The following QSOX1 variants were observed in gnomAD, a reference collection of about 807,000 sequenced individuals.
The protein encoded by QSOX1 is quiescin sulfhydryl oxidase 1, also known as sulfhydryl oxidase 1.
QSOX1 carries 40 observed loss-of-function variants against 76.1 expected under a neutral mutation model. The ratio of observed to expected loss-of-function variants is 0.53; its 90% CI spans 0.41 to 0.68. The LOEUF (loss-of-function observed/expected upper bound fraction) is 0.68. QSOX1 is among the 30% of genes least tolerant of loss of function. The pLI is 0.00. For missense variants in QSOX1, 931 were observed against 974.3 expected (o/e 0.96, Z 0.59); for synonymous variants, 392 against 413.1 (o/e 0.95, Z 0.62).
Position 180,198,208 on chromosome 1 carries a change from A to G in QSOX1, c.*1171A>G, listed in dbSNP as rs1472163540. 2 of 456,558 alleles carry G rather than the reference A, an allele frequency of 4.4e-6. No homozygotes were observed. Among genetic ancestry groups the G allele is most frequent in the Non-Finnish European group, 4.4e-6 (1 of 226,922 alleles). The allele number at this position is 456,558 out of a possible 1,614,324, so 28.3% of individuals were successfully genotyped here. A position where few individuals can be genotyped will look rare whatever the true frequency, so the allele number is the denominator to read the frequency against. ...TGCACCCAAACCCCATGGCCTTTTC[A>G]TGCACGGAGACAGGCCTCTGGATGT... On this transcript the variant is annotated 3_prime_UTR_variant, in exon 12 of 12. Coordinates refer to ENST00000367602, the MANE Select transcript of QSOX1 (RefSeq NM_002826.5).
At chr1:180,189,419 T>C (rs556021369) in intron 8 of QSOX1, 133 bp from the exon 9 acceptor site, 3 of 874,412 alleles carry the variant, frequency 3.4e-6, no homozygotes, top group Non-Finnish European at 5.1e-6. Flanking sequence ...TTTGGAACTT[T>C]GCACAACCTC....
intron 2 of QSOX1, among the ~76,000 whole-genome samples, chr1:180,170,205 G>T (rs1358857646): frequency 6.6e-6 from 1 of 152,190 alleles, no homozygotes; most frequent in Admixed American, 6.5e-5. Flanking sequence ...TGTGGCTTTT[G>T]CTAGAAGGTG....
intron 4 of QSOX1, among the ~76,000 whole-genome samples, chr1:180,178,464 G>T (rs961237974): frequency 2.0e-5 from 3 of 152,198 alleles, no homozygotes; most frequent in Admixed American, 1.3e-4. Flanking sequence ...CAGACCTCAG[G>T]TGATCCACCC....
intron 2 of QSOX1, among the ~76,000 whole-genome samples, chr1:180,170,403 A>G (rs187804286): frequency 5.5e-4 from 83 of 152,278 alleles, no homozygotes; most frequent in African/African-American, 1.9e-3. Context: ...AGGCTGGACC[A>G]TTTTCCTTAA....
rs981366686 is a variant in QSOX1 at position 180,186,158 on chromosome 1, A to T, written c.993A>T (p.Lys331Asn). 6.2e-7 allele frequency: 1 copy of T among 1,613,706 alleles called. No individual in the cohort carries two copies. Among genetic ancestry groups the T allele is most frequent in the Non-Finnish European group, 8.5e-7 (1 of 1,179,910 alleles). Reference sequence around the variant, plus strand: ...AAGGGCAGCGCCTGGTGGCCCTGAAAAAGTTTGTGGCAGTGCTGGCCAAGG... The same window carrying T: ...AAGGGCAGCGCCTGGTGGCCCTGAATAAGTTTGTGGCAGTGCTGGCCAAGG... ...VLEGQRLVAL[K>N]KFVAVLAKYF... Residue 331 changes from lysine (K) to asparagine (N), a missense_variant, in exon 8 of 12, where the codon AAA becomes AAT. Physicochemically the swap from Lys to Asn is moderately conservative, Grantham distance 94 (BLOSUM62 0). Coordinates refer to ENST00000367602, the MANE Select transcript of QSOX1 (RefSeq NM_002826.5).
intron 11 of QSOX1, among the ~76,000 whole-genome samples, 187 bp downstream of exon 11, chr1:180,194,579 C>T (rs1193051314): frequency 6.6e-6 from 1 of 152,264 alleles, no homozygotes; most frequent in African/African-American, 2.4e-5. Context: ...GGCTTTGACA[C>T]TGTAAGACCC....
At chr1:180,183,544 G>A (rs1184691697) in intron 6 of QSOX1, among the ~76,000 whole-genome samples, 1 of 152,104 alleles carries the variant, frequency 6.6e-6, no homozygotes, top group East Asian at 1.9e-4. Context: ...TGAATCTCGG[G>A]GTCCTTGGGG....
chr1:180,182,388 G>A, intron 6 of QSOX1, 69 bp downstream of exon 6: 1 of 1,582,370 alleles, frequency 6.3e-7, no homozygotes, highest in Non-Finnish European at 8.6e-7. Flanking sequence ...TTGCCCAGAG[G>A]GGCTGCCCGC....
chr1:180,176,113 G>A (rs1396704758), intron 4 of QSOX1, 80 bp downstream of exon 4: 3 of 1,180,116 alleles, frequency 2.5e-6, no homozygotes, highest in African/African-American at 3.1e-5. Flanking sequence ...GGGAACAGCA[G>A]GGCGGGGACC....
Position 180,198,675 on chromosome 1 carries a change from G to T in QSOX1, c.*1638G>T. On this transcript the variant is annotated 3_prime_UTR_variant, in exon 12 of 12. Transcript: ENST00000367602. ...GCTGCAGCGCCTTGCTGGGCTCCTG[G>T]GTTGGACTCCCTCTCTGTGCCCCTG... 3.0e-6 allele frequency: 1 copy of T among 334,574 alleles called. No homozygotes were observed. The highest frequency in any genetic ancestry group is 6.0e-6 in the Non-Finnish European group (1 of 167,794). 20.7% of individuals were successfully genotyped at this position (334,574 alleles called of 1,614,324 possible). A position where few individuals can be genotyped will look rare whatever the true frequency, so the allele number is the denominator to read the frequency against.
At chr1:180,190,806 A>C (rs975742344) in intron 10 of QSOX1, among the ~76,000 whole-genome samples, 2 of 152,152 alleles carry the variant, frequency 1.3e-5, no homozygotes, top group African/African-American at 4.8e-5. Context: ...TTAGGAATTC[A>C]ACCAGTCCTG....
At chr1:180,192,575 A>G (rs1179403361) in intron 10 of QSOX1, among the ~76,000 whole-genome samples, 2 of 152,012 alleles carry the variant, frequency 1.3e-5, no homozygotes, top group African/African-American at 4.8e-5. Flanking sequence ...TTACTGATAG[A>G]TTGGAGGAAG....
At position 180,182,312 on chromosome 1, in the gene QSOX1, G is replaced by T; in HGVS notation, c.745G>T (p.Val249Phe). Residue 249 changes from valine to phenylalanine, a missense_variant, in exon 6 of 12, where the codon GTC becomes TTC. Val to Phe is a conservative substitution (Grantham distance 50). Coordinates refer to ENST00000367602, the MANE Select transcript of QSOX1 (RefSeq NM_002826.5). ...LLFRNGSVSR[V>F]PVLMESRSFY... is the part of the protein sequence containing the mutation. Reference sequence around the variant, plus strand: ...GTTCCGGAATGGCTCTGTCTCCCGAGTCCCCGTGTGAGTATCCTGTCTCCT... The same window carrying T: ...GTTCCGGAATGGCTCTGTCTCCCGATTCCCCGTGTGAGTATCCTGTCTCCT... 1.2e-6 allele frequency: 2 copies of T among 1,614,222 alleles called. No individual in the cohort carries two copies. Among genetic ancestry groups the T allele is most frequent in the Admixed American group, 1.7e-5 (1 of 60,032 alleles).
chr1:180,178,101 C>A (rs1448974134), intron 4 of QSOX1, among the ~76,000 whole-genome samples: 1 of 152,162 alleles, frequency 6.6e-6, no homozygotes, highest in Non-Finnish European at 1.5e-5. Flanking sequence ...CTAATACCCC[C>A]CAGCTCTCAG....
chr1:180,183,368 AAAG>A (rs1364869794), intron 6 of QSOX1, among the ~76,000 whole-genome samples: 1 of 62,690 alleles, frequency 1.6e-5, no homozygotes, highest in Non-Finnish European at 3.8e-5. Flanking sequence ...CGGAAAAAAG[AAAG>A]AAACCAAAAA....
rs758183518 is a variant in QSOX1, at chr1:180,155,077, C to T, written c.170C>T (p.Ser57Phe). ...ADTVRGAVLG[S>F]RSAWAVEFFA... is the part of the protein sequence containing the mutation. ...ACGGTGCGCGGCGCGGTGCTGGGCTCCCGCAGCGCCTGGGCCGTGGAGTTC... is the reference window on the plus strand; with the variant it reads ...ACGGTGCGCGGCGCGGTGCTGGGCTTCCGCAGCGCCTGGGCCGTGGAGTTC... The change falls in exon 1 of 12, where the codon TCC becomes TTC. Residue 57 changes from serine (S) to phenylalanine (F), a missense_variant. Physicochemically the swap from Ser to Phe is radical, Grantham distance 155 (BLOSUM62 -2). Coordinates refer to ENST00000367602, the MANE Select transcript of QSOX1 (RefSeq NM_002826.5). 3.7e-5 allele frequency: 57 copies of T among 1,520,318 alleles called. 2 individuals are homozygous for T. The highest frequency in any genetic ancestry group is 3.4e-4 in the South Asian group (28 of 82,652). 94.2% of individuals were successfully genotyped at this position (1,520,318 alleles called of 1,614,324 possible).
rs755159325 is a variant in QSOX1 at position 180,196,859 on chromosome 1, G to A, written c.2066G>A (p.Arg689Gln). The A allele has an allele frequency of 1.2e-5, 20 of 1,603,532 alleles. No individual in the cohort carries two copies. The highest frequency in any genetic ancestry group is 5.4e-5 in the African/African-American group (4 of 74,732). ...ATCCCTGAGGGCCAGCTGGAGGCCC[G>A]AGCTGGACGGGGCCGAGGCCAGTGG... The part of the protein sequence containing the change: ...VDIPEGQLEA[R>Q]AGRGRGQWLQ... Residue 689 changes from arginine (R) to glutamine (Q), a missense_variant, in exon 12 of 12, where the codon CGA becomes CAA. Transcript: ENST00000367602. The surrounding 1 kb of genome is among the most constrained non-coding windows in gnomAD (Gnocchi z 4.1).
chr1:180,176,653 C>T (rs1662902528), intron 4 of QSOX1, among the ~76,000 whole-genome samples: 2 of 152,196 alleles, frequency 1.3e-5, no homozygotes, highest in Non-Finnish European at 2.9e-5. Flanking sequence ...CTTGCCCATA[C>T]TTTCCCAAAG....
Position 180,178,809 on chromosome 1 carries a change from T to A in QSOX1, c.531T>A (p.Asp177Glu), listed in dbSNP as rs1662960128. 6.2e-7 allele frequency: 1 copy of A among 1,613,744 alleles called. No homozygotes were observed. The highest frequency in any genetic ancestry group is 1.3e-5 in the African/African-American group (1 of 74,946). ...TCTCTTGCAGGCTGGAGGAGATTGA[T>A]GGATTCTTTGCGAGAAATAACGAAG... ...PLEPAKLEEIDGFFARNNEEY... is the reference protein window; with the variant it reads ...PLEPAKLEEIEGFFARNNEEY... The change falls in exon 5 of 12, where the codon GAT (aspartate) becomes GAA (glutamate). Residue 177 changes from aspartate to glutamate, a missense_variant. Physicochemically the swap from Asp to Glu is conservative, Grantham distance 45. Coordinates refer to ENST00000367602, the MANE Select transcript of QSOX1 (RefSeq NM_002826.5).
Sources: allele counts gnomAD v4.1 joint callset (sites outside exome capture counted in the v4.1 genomes callset), GRCh38; gene constraint gnomAD v4.1.1; non-coding constraint Gnocchi (gnomAD v3.1); transcripts MANE v1.5; gene names NCBI Gene and HGNC (gene_info 2026-07-23, HGNC 2026-07-21).